The following CLSPN variants were observed in gnomAD, a reference collection of about 807,000 sequenced individuals.
CLSPN encodes claspin.
A neutral mutation model predicts 156.3 loss-of-function variants in CLSPN; 85 were observed. The observed-to-expected ratio is 0.54, with a 90% CI of 0.46 to 0.65. CLSPN has a LOEUF of 0.65. Ranked by LOEUF, CLSPN falls within the 30% of genes least tolerant of loss-of-function variation. The pLI, the probability that CLSPN is intolerant of heterozygous loss-of-function variation, is 0.00. For missense variants in CLSPN, 1,407 were observed against 1,554.9 expected, an observed-to-expected ratio of 0.90 and a Z score of 1.60; for synonymous variants, 534 against 542.4, an observed-to-expected ratio of 0.98 and a Z score of 0.22.
chr1:35,731,998 A>T, downstream of CLSPN: 1 of 222,698 alleles, frequency 4.5e-6, no homozygotes, highest in Non-Finnish European at 7.5e-6. Flanking sequence ...GCAATTTCTT[A>T]TGCTTACAGA....
At position 35,734,677 on chromosome 1, in the gene CLSPN, CAAA is replaced by C. The variant is rs71062891; in HGVS notation, c.*1816_*1818del. ...TAGGTGACAGAGCCAGCCTATGTCT[CAAA>C]AAAAAAAAAAGAAAAGAAAAGAAAA... On this transcript the variant is annotated 3_prime_UTR_variant, in exon 25 of 25. Coordinates refer to ENST00000318121, the MANE Select transcript of CLSPN (RefSeq NM_022111.4). The C allele has an allele frequency of 1.2e-5, 8 of 663,816 alleles. No individual in the cohort carries two copies. Among genetic ancestry groups the C allele is most frequent in the African/African-American group, 9.0e-5 (4 of 44,526 alleles). 41.1% of individuals were successfully genotyped at this position (663,816 alleles called of 1,614,324 possible). A position where few individuals can be genotyped will look rare whatever the true frequency, so the allele number is the denominator to read the frequency against.
intron 16 of CLSPN, among the ~76,000 whole-genome samples, chr1:35,745,137 T>C (rs184857773): frequency 6.2e-4 from 94 of 152,310 alleles, no homozygotes; most frequent in Admixed American, 2.0e-3. Context: ...TTCTCACCAA[T>C]AGTACACAAG....
intron 12 of CLSPN, 136 bp from the exon 13 acceptor site, chr1:35,748,740 A>T (rs1641980222): frequency 1.5e-6 from 1 of 675,552 alleles, no homozygotes; most frequent in Non-Finnish European, 2.6e-6. Context: ...CAAAACATTA[A>T]GTTAAAGGTA....
rs1642555987 is a variant in CLSPN, at chr1:35,763,450, A to G, written c.583-129T>C. The G allele has an allele frequency of 1.3e-5, 8 of 596,164 alleles. No homozygotes were observed. The South Asian group carries it at 2.7e-4, about 20-fold the overall frequency. 36.9% of individuals were successfully genotyped at this position (596,164 alleles called of 1,614,324 possible). On this transcript the variant is annotated intron_variant, in intron 3 of 24. Transcript: ENST00000318121. ...ATCAACAGACAAGCATATAAAATCT[A>G]GAACATTCTTACTGGTTTCTAACTC...
chr1:35,724,758 A>T (rs1253897739), intron 24 of CLSPN, among the ~76,000 whole-genome samples: 2 of 152,210 alleles, frequency 1.3e-5, no homozygotes. Context: ...TGACATGCCA[A>T]AGAGCCATTA....
chr1:35,759,131 T>A (rs1294943341), intron 8 of CLSPN, among the ~76,000 whole-genome samples: 1 of 152,232 alleles, frequency 6.6e-6, no homozygotes, highest in Non-Finnish European at 1.5e-5. Context: ...TTCAATGTGG[T>A]AATACTTGAG....
rs1641423603 is a variant in CLSPN, at chr1:35,735,194, G to A, written c.*1302C>T. On this transcript the variant is annotated 3_prime_UTR_variant, in exon 25 of 25. Coordinates refer to ENST00000318121, the MANE Select transcript of CLSPN (RefSeq NM_022111.4). ...GAAGGGTCTCTCTGCCCCACAGACT[G>A]TGGTGGACAAACACTGGGTGTAACA... The A allele has an allele frequency of 1.0e-6, 1 of 985,330 alleles. No homozygotes were observed. Among genetic ancestry groups the A allele is most frequent in the African/African-American group, 1.7e-5 (1 of 57,246 alleles). The allele number at this position is 985,330 out of a possible 1,614,324, so 61.0% of individuals were successfully genotyped here.
chr1:35,769,789 C>CT lies in CLSPN; in HGVS notation c.24+57dup, dbSNP rs1642804773. On this transcript the variant is annotated intron_variant, in intron 1 of 24. Coordinates refer to ENST00000318121, the MANE Select transcript of CLSPN (RefSeq NM_022111.4). Reference sequence around the variant, plus strand: ...TCAGCGGGGTCTACCCCGGCCCCACCTAACCTCTCGGTGCCCGGCCTTCTA... The same window carrying CT: ...TCAGCGGGGTCTACCCCGGCCCCACCTTAACCTCTCGGTGCCCGGCCTTCTA... The CT allele has an allele frequency of 2.6e-6, 4 of 1,546,312 alleles. No individual in the cohort carries two copies. In the East Asian group the frequency reaches 9.8e-5, roughly 38 times the overall value.
intron 10 of CLSPN, 141 bp from the exon 11 acceptor site, chr1:35,749,952 T>C (rs544976810): frequency 1.4e-5 from 14 of 966,086 alleles, no homozygotes; most frequent in Admixed American, 3.3e-5. Flanking sequence ...AAGTTCCATA[T>C]GACCATTATC....
intron 24 of CLSPN, among the ~76,000 whole-genome samples, chr1:35,724,982 T>C (rs893009331): frequency 5.3e-5 from 8 of 152,258 alleles, no homozygotes; most frequent in Admixed American, 6.5e-5. Context: ...TTCCCAGCTG[T>C]AAAATGACAA....
In CLSPN at chr1:35,763,147, A is replaced by G; in HGVS notation, c.744+13T>C. On this transcript the variant is annotated intron_variant, in intron 4 of 24. Coordinates refer to ENST00000318121, the MANE Select transcript of CLSPN (RefSeq NM_022111.4). ...CAGTTGATTAACTCTTATTGCAATC[A>G]TGCTTTACTTGCCTTGTGCTTTTTT... is the stretch of plus-strand genomic sequence containing the variant. The G allele has an allele frequency of 6.5e-6, 10 of 1,535,546 alleles. No homozygotes were observed. Among genetic ancestry groups the G allele is most frequent in the Non-Finnish European group, 8.7e-6 (10 of 1,144,586 alleles).
chr1:35,743,914 G>A lies in CLSPN; in HGVS notation c.2967-384C>T, dbSNP rs192188387. Among the ~76,000 whole-genome samples the A allele has an allele frequency of 1.9e-4, 29 of 152,170 alleles. 1 individual carries two copies. Among genetic ancestry groups the A allele is most frequent in the African/African-American group, 4.1e-4 (17 of 41,508 alleles). ...TGGGATTATAGGTATGAGCCACCTCGCCCAGCCAAATTTAAAACTTTTATT... is the reference window on the plus strand; with the variant it reads ...TGGGATTATAGGTATGAGCCACCTCACCCAGCCAAATTTAAAACTTTTATT... On this transcript the variant is annotated intron_variant, in intron 16 of 24. Transcript: ENST00000318121.
chr1:35,733,543 T>G lies in CLSPN; in HGVS notation c.*2953A>C. On this transcript the variant is annotated 3_prime_UTR_variant, in exon 25 of 25. Coordinates refer to ENST00000318121, the MANE Select transcript of CLSPN (RefSeq NM_022111.4). ...AGAGGGAAGAAATATCTAGCCTTCC[T>G]GCTCAGTTCTCTTTTGCCCAGCAAG... 1.0e-6 allele frequency: 1 copy of G among 985,422 alleles called. No individual in the cohort carries two copies. Among genetic ancestry groups the G allele is most frequent in the Non-Finnish European group, 1.2e-6 (1 of 829,916 alleles). The allele number at this position is 985,422 out of a possible 1,614,324, so 61.0% of individuals were successfully genotyped here.
rs148398936 is a variant in CLSPN, at chr1:35,738,321, G to T, written c.3558+134C>A. The T allele has an allele frequency of 1.2e-4, 111 of 901,136 alleles. 1 individual carries two copies. In the African/African-American group the frequency reaches 1.6e-3, roughly 13 times the overall value. The allele number at this position is 901,136 out of a possible 1,614,324, so 55.8% of individuals were successfully genotyped here. Reference sequence around the variant, plus strand: ...TAGCCTTCTCAAAACACAAAAGATAGCTCAAGGATTAAAAGAGATAGCAAT... The same window carrying T: ...TAGCCTTCTCAAAACACAAAAGATATCTCAAGGATTAAAAGAGATAGCAAT... On this transcript the variant is annotated intron_variant, in intron 21 of 24. Coordinates refer to ENST00000318121, the MANE Select transcript of CLSPN (RefSeq NM_022111.4).
intron 8 of CLSPN, 30 bp from the exon 9 acceptor site, chr1:35,753,966 T>C: frequency 6.2e-7 from 1 of 1,605,952 alleles, no homozygotes; most frequent in Non-Finnish European, 8.5e-7. Context: ...AGTGTGTCAG[T>C]TTGCCATGCT....
chr1:35,730,207 A>G (rs1281127025), downstream of CLSPN, among the ~76,000 whole-genome samples: 2 of 152,152 alleles, frequency 1.3e-5, no homozygotes, highest in Admixed American at 6.5e-5. Context: ...GCAAGCCTCA[A>G]CGAACATTAA....
intron 8 of CLSPN, among the ~76,000 whole-genome samples, chr1:35,758,831 T>C (rs1231233831): frequency 2.0e-5 from 3 of 148,066 alleles, no homozygotes; most frequent in Admixed American, 6.8e-5. Context: ...CAGGATTTCA[T>C]ATGCTGCCCA....
At chr1:35,752,509 T>C (rs1261183786) in intron 9 of CLSPN, among the ~76,000 whole-genome samples, 3 of 136,996 alleles carry the variant, frequency 2.2e-5, no homozygotes, top group Admixed American at 1.7e-4. Context: ...ACCCAGGAGG[T>C]AGAGGTTGCA....
At position 35,735,326 on chromosome 1, in the gene CLSPN, C is replaced by T. The variant is rs1258512509; in HGVS notation, c.*1170G>A. 1.5e-5 allele frequency: 15 copies of T among 985,310 alleles called. No homozygotes were observed. The highest frequency in any genetic ancestry group is 1.8e-5 in the Non-Finnish European group (15 of 829,940). The allele number at this position is 985,310 out of a possible 1,614,324, so 61.0% of individuals were successfully genotyped here. On this transcript the variant is annotated 3_prime_UTR_variant, in exon 25 of 25. Transcript: ENST00000318121. Reference sequence around the variant, plus strand: ...GCAAAAATTAATTCAAAATTTGATGCTGCCTTGGGAAGAAGCATACAGGAA... The same window carrying T: ...GCAAAAATTAATTCAAAATTTGATGTTGCCTTGGGAAGAAGCATACAGGAA...
Sources: allele counts gnomAD v4.1 joint callset (sites outside exome capture counted in the v4.1 genomes callset), GRCh38; gene constraint gnomAD v4.1.1; transcripts MANE v1.5; gene names NCBI Gene and HGNC (gene_info 2026-07-23, HGNC 2026-07-21).